The following PIEZO1 variants were observed in gnomAD, a reference collection of about 807,000 sequenced individuals.
The protein encoded by PIEZO1 is piezo-type mechanosensitive ion channel component 1.
PIEZO1 carries 296 observed loss-of-function variants against 297.2 expected under a neutral mutation model. The ratio of observed to expected loss-of-function variants is 1.00; its 90% CI spans 0.91 to 1.10. The LOEUF is 1.10. Ranked by LOEUF, PIEZO1 falls within the 50% of genes least tolerant of loss-of-function variation. PIEZO1 has a pLI of 0.00. For synonymous variants in PIEZO1, 2,427 were observed against 1,507.5 expected (o/e 1.61, Z -14.13); for missense variants, 5,018 against 3,455.5 (o/e 1.45, Z -11.34).
intron 1 of PIEZO1, among the ~76,000 whole-genome samples, chr16:88,767,575 A>G (rs1907233698): frequency 1.3e-5 from 2 of 152,156 alleles, no homozygotes; most frequent in African/African-American, 2.4e-5. Context: ...CAAGAGCCAC[A>G]TACCATCATA....
Position 88,721,891 on chromosome 16 carries a change from G to A in PIEZO1, c.5131C>T (p.Pro1711Ser). The A allele has an allele frequency of 6.5e-7, 1 of 1,550,088 alleles. No individual in the cohort carries two copies. Among genetic ancestry groups the A allele is most frequent in the Non-Finnish European group, 8.7e-7 (1 of 1,146,790 alleles). The change falls in exon 37 of 51, where the codon CCC becomes TCC. Residue 1711 changes from proline to serine, a missense_variant. Coordinates refer to ENST00000301015, the MANE Select transcript of PIEZO1 (RefSeq NM_001142864.4). ...ATGGCCCACAGGAAGACGAGCACGGGCAGCACCAGCGAGCCGGCGGAGGCC... is the reference window on the plus strand; with the variant it reads ...ATGGCCCACAGGAAGACGAGCACGGACAGCACCAGCGAGCCGGCGGAGGCC... ...VTASAGSLVL[P>S]VLVFLWAMLS...
chr16:88,748,972 T>G (rs1389398989), intron 2 of PIEZO1, among the ~76,000 whole-genome samples: 2 of 128,998 alleles, frequency 1.6e-5, no homozygotes, highest in East Asian at 2.5e-4. Flanking sequence ...GCGCGGTGGC[T>G]CACGTCTGTA....
chr16:88,734,761 A>C lies in PIEZO1; in HGVS notation c.1886T>G (p.Phe629Cys), dbSNP rs753509410. 4 of 1,550,308 alleles carry C rather than the reference A, an allele frequency of 2.6e-6. No individual in the cohort carries two copies. In the South Asian group the frequency reaches 4.8e-5, roughly 18 times the overall value. Reference sequence around the variant, plus strand: ...GGTGTAGGCCACCACGAGCCACCAGAAGGCCTTGAGCAGCTTCCGCCACAG... The same window carrying C: ...GGTGTAGGCCACCACGAGCCACCAGCAGGCCTTGAGCAGCTTCCGCCACAG... ...YSLWRKLLKA[F>C]WWLVVAYTML... is the part of the protein sequence containing the mutation. The change falls in exon 15 of 51, where the codon TTC (phenylalanine) becomes TGC (cysteine). Residue 629 changes from phenylalanine (F) to cysteine (C), a missense_variant. Phe to Cys is a radical substitution (Grantham distance 205). Transcript: ENST00000301015.
chr16:88,744,404 C>T (rs1470974842), intron 2 of PIEZO1: 2 of 152,104 alleles, frequency 1.3e-5, no homozygotes, highest in Non-Finnish European at 2.9e-5. Flanking sequence ...CGTGGGGCTC[C>T]TGCTGGGGCT....
At position 88,720,697 on chromosome 16, in the gene PIEZO1, G is replaced by A. The variant is rs778144394; in HGVS notation, c.5720C>T (p.Thr1907Met). 49 of 1,536,770 alleles carry A rather than the reference G, an allele frequency of 3.2e-5. No homozygotes were observed. Among genetic ancestry groups the A allele is most frequent in the Middle Eastern group, 1.7e-4 (1 of 5,898 alleles). Residue 1907 changes from threonine (T) to methionine (M), a missense_variant, in exon 40 of 51, where the codon ACG becomes ATG. Thr to Met is a moderately conservative substitution (Grantham distance 81). Transcript: ENST00000301015. The stretch of plus-strand genomic sequence containing the variant: ...GCGGCTTGGCCTCTTCTCTCTCCCC[G>A]TGGGGGCCTCTTTCTCTTCCTCCCC... ...EEGEEEKEAP[T>M]GREKRPSRSG...
At chr16:88,772,088 C>T (rs1254518917) in intron 1 of PIEZO1, among the ~76,000 whole-genome samples, 3 of 149,434 alleles carry the variant, frequency 2.0e-5, no homozygotes, top group Non-Finnish European at 3.0e-5. Context: ...CCTGTCCACC[C>T]GCGGCCCCAG....
At chr16:88,718,627 C>G (rs1246200476) in intron 44 of PIEZO1, 1 of 152,376 alleles carries the variant, frequency 6.6e-6, no homozygotes, top group East Asian at 1.9e-4. Flanking sequence ...GTAGGCAAAT[C>G]TCATAGAACC....
Position 88,735,155 on chromosome 16 carries a change from T to TC in PIEZO1, c.1648dup (p.Glu550GlyfsTer227). On this transcript the variant is annotated frameshift_variant, in exon 13 of 51. Coordinates refer to ENST00000301015, the MANE Select transcript of PIEZO1 (RefSeq NM_001142864.4). LOFTEE classifies it high-confidence loss of function. Reference sequence around the variant, plus strand: ...CTCACCTGTGTCTGCCACGGTGACCTCCGTCAGCGCAGCTGGAGACTCTGC... The same window carrying TC: ...CTCACCTGTGTCTGCCACGGTGACCTCCCGTCAGCGCAGCTGGAGACTCTGC... The TC allele has an allele frequency of 6.5e-7, 1 of 1,550,218 alleles. No homozygotes were observed.
intron 1 of PIEZO1, among the ~76,000 whole-genome samples, chr16:88,778,796 C>T (rs563755646): frequency 6.6e-5 from 10 of 152,290 alleles, no homozygotes; most frequent in Admixed American, 5.2e-4. Context: ...GCGAGAGGCT[C>T]GTGTGCCATC....
intron 5 of PIEZO1, chr16:88,740,816 T>C (rs753602): frequency 0.7 from 106,200 of 152,210 alleles, 37,593 homozygotes; most frequent in East Asian, 0.94. Flanking sequence ...GACACCCAGG[T>C]GGCCATAAAT....
chr16:88,738,119 A>G lies in PIEZO1; in HGVS notation c.849-14T>C, dbSNP rs1905374136. The G allele has an allele frequency of 4.6e-6, 7 of 1,535,698 alleles. No individual in the cohort carries two copies. The highest frequency in any genetic ancestry group is 6.1e-6 in the Non-Finnish European group (7 of 1,146,800). ...AGACCCAGCACCCTGTCCAGAGAAG[A>G]CCCGTCACAGCCTACCACCCCAGAG... On this transcript the variant is annotated splice_polypyrimidine_tract_variant and intron_variant, in intron 7 of 50. Transcript: ENST00000301015.
At chr16:88,759,566 G>A (rs755246966) in intron 1 of PIEZO1, among the ~76,000 whole-genome samples, 1 of 152,210 alleles carries the variant, frequency 6.6e-6, no homozygotes, top group Non-Finnish European at 1.5e-5. Flanking sequence ...AAGAAGAGCA[G>A]ACGTGGTACA....
rs61742623 is a variant in PIEZO1 at position 88,736,340 on chromosome 16, C to T, written c.1365G>A (p.Thr455=). 0.011 allele frequency: 13,130 copies of T among 1,230,422 alleles called. 1,134 individuals carry two copies. Among genetic ancestry groups the T allele is most frequent in the Non-Finnish European group, 0.011 (9,269 of 868,984 alleles). The allele number at this position is 1,230,422 out of a possible 1,614,324, so 76.2% of individuals were successfully genotyped here. A position where few individuals can be genotyped will look rare whatever the true frequency, so the allele number is the denominator to read the frequency against. ...VLLLWACLIW[T]VRSRHQLAML... is the part of the protein sequence containing the mutation. ...TGGCCAGTTGGTGGCGGCTGCGCAC[C>T]GTCCAGATGAGGCAGGCCCAGAGCA... The change falls in exon 12 of 51, where the codon ACG becomes ACA. Residue 455 remains threonine (T), a synonymous_variant. Coordinates refer to ENST00000301015, the MANE Select transcript of PIEZO1 (RefSeq NM_001142864.4).
chr16:88,726,980 G>A (rs545019768), intron 24 of PIEZO1, 22 bp from the exon 25 acceptor site: 14 of 1,549,444 alleles, frequency 9.0e-6, no homozygotes, highest in East Asian at 2.4e-5. Flanking sequence ...GAGCGTCAGG[G>A]CGGGCGCCCC....
chr16:88,778,924 A>G (rs1907799619), intron 1 of PIEZO1, among the ~76,000 whole-genome samples: 1 of 151,970 alleles, frequency 6.6e-6, no homozygotes, highest in South Asian at 2.1e-4. Flanking sequence ...AGACCCAGAG[A>G]GCGGGGGCAG....
chr16:88,746,146 G>A (rs989172410), intron 2 of PIEZO1, among the ~76,000 whole-genome samples: 2 of 152,218 alleles, frequency 1.3e-5, no homozygotes, highest in African/African-American at 2.4e-5. Flanking sequence ...CCCACCCAGC[G>A]ACAGCTAGGG....
intron 1 of PIEZO1, among the ~76,000 whole-genome samples, chr16:88,762,841 C>T (rs112081207): frequency 6.6e-6 from 1 of 152,314 alleles, no homozygotes; most frequent in African/African-American, 2.4e-5. Context: ...AGGACAGCCA[C>T]AAGGTGGTCC....
At chr16:88,724,062 C>G in intron 30 of PIEZO1, 91 bp from the exon 31 acceptor site, 1 of 755,076 alleles carries the variant, frequency 1.3e-6, no homozygotes, top group East Asian at 2.7e-5. Flanking sequence ...GCCCGAGAGC[C>G]ACCCTTCCCA....
intron 16 of PIEZO1, 136 bp from the exon 17 acceptor site, chr16:88,734,190 C>A (rs1597457636): frequency 8.0e-7 from 1 of 1,252,756 alleles, no homozygotes; most frequent in East Asian, 2.6e-5. Flanking sequence ...AACTCATGCC[C>A]ACTGTCCCTG....
Sources: gnomAD v4.1 joint callset for allele counts (sites outside exome capture counted in the v4.1 genomes callset) on GRCh38, gnomAD v4.1.1 for gene constraint, MANE v1.5 for transcripts, NCBI Gene and HGNC (gene_info 2026-07-23, HGNC 2026-07-21) for gene names.